IL1RAPL2: variants seen among roughly 807,000 people sequenced by gnomAD.
IL1RAPL2 encodes interleukin 1 receptor accessory protein like 2, also known as X-linked interleukin-1 receptor accessory protein-like 2.
Under a neutral mutation model 44.1 loss-of-function variants are expected in IL1RAPL2, and 3 were observed. That is an observed-to-expected ratio of 0.07 (90% CI 0.03 to 0.18). The LOEUF is 0.18. Ranked by LOEUF, IL1RAPL2 falls within the 10% of genes least tolerant of loss-of-function variation. The pLI is 1.00. For synonymous variants in IL1RAPL2, 181 were observed against 178.8 expected (o/e 1.01, Z -0.10); for missense variants, 391 against 496.4 (o/e 0.79, Z 2.02).
intron 2 of IL1RAPL2, among the ~76,000 whole-genome samples, chrX:104,673,049 C>T (rs763736473): frequency 9.6e-4 from 107 of 111,488 alleles, no homozygotes; most frequent in Non-Finnish European, 1.9e-3. Context: ...TTGTAGGTTG[C>T]CTGTTCACTC....
chrX:104,929,264 A>G, intron 2 of IL1RAPL2, among the ~76,000 whole-genome samples: 1 of 111,822 alleles, frequency 8.9e-6, no homozygotes, highest in Non-Finnish European at 1.9e-5. Flanking sequence ...CTCCTTATTC[A>G]GCCTTTCGTT....
intron 6 of IL1RAPL2, among the ~76,000 whole-genome samples, chrX:105,637,274 T>A (rs1304642592): frequency 4.5e-5 from 5 of 111,658 alleles, no homozygotes; most frequent in African/African-American, 1.3e-4. Context: ...TTTTTCCACA[T>A]GAAAAGGGCA....
At chrX:104,938,955 G>A (rs1440304629) in intron 2 of IL1RAPL2, among the ~76,000 whole-genome samples, 1 of 110,578 alleles carries the variant, frequency 9.0e-6, no homozygotes, top group East Asian at 2.8e-4. Context: ...TGAAATATTT[G>A]TCTTGTACAA....
chrX:105,447,840 C>A (rs28761014), intron 5 of IL1RAPL2, among the ~76,000 whole-genome samples: 11 of 81,726 alleles, frequency 1.3e-4, no homozygotes, highest in Admixed American at 1.1e-3. Flanking sequence ...ATATATTATA[C>A]ATATAAATAT....
At chrX:105,640,665 T>TAC in intron 6 of IL1RAPL2, among the ~76,000 whole-genome samples, 1 of 77,942 alleles carries the variant, frequency 1.3e-5, no homozygotes, top group Middle Eastern at 5.3e-3. Context: ...TATATATATA[T>TAC]ATATATATAT....
chrX:104,636,626 G>C (rs181774067), intron 1 of IL1RAPL2, among the ~76,000 whole-genome samples: 1 of 112,010 alleles, frequency 8.9e-6, no homozygotes, highest in Admixed American at 9.4e-5. Context: ...CTTCGTGGGC[G>C]TAGGACCCTC....
At chrX:105,268,861 T>G (rs1437061613) in intron 5 of IL1RAPL2, among the ~76,000 whole-genome samples, 1 of 111,098 alleles carries the variant, frequency 9.0e-6, no homozygotes, top group African/African-American at 3.3e-5. Flanking sequence ...TATGAGGAGA[T>G]TGATATGCTA....
intron 1 of IL1RAPL2, among the ~76,000 whole-genome samples, chrX:104,650,435 G>A (rs1239203182): frequency 9.0e-6 from 1 of 110,881 alleles, no homozygotes; most frequent in African/African-American, 3.3e-5. Context: ...AAACAGATGT[G>A]TGGGAACCAT....
At chrX:105,623,747 C>T (rs2037435587) in intron 6 of IL1RAPL2, among the ~76,000 whole-genome samples, 1 of 111,495 alleles carries the variant, frequency 9.0e-6, no homozygotes, top group Non-Finnish European at 1.9e-5. Context: ...TTTATTTGAG[C>T]ACTGCTAAAA....
chrX:104,890,171 C>CTTAAT lies in IL1RAPL2; in HGVS notation c.82+231176_82+231177insTTAAT, dbSNP rs1357782175. ...GCATAGTATACTGTGGTGTATATGT[C>CTTAAT]CCACATTTTCTTAATCCAGTCTATC... is the stretch of plus-strand genomic sequence containing the variant. On this transcript the variant is annotated intron_variant, in intron 2 of 10. Coordinates refer to ENST00000372582, the MANE Select transcript of IL1RAPL2 (RefSeq NM_017416.2). 3.6e-5 allele frequency among the ~76,000 whole-genome samples: 4 copies of CTTAAT among 111,892 alleles called. No homozygotes were observed. The East Asian group carries it at 1.1e-3, about 31-fold the overall frequency.
intron 2 of IL1RAPL2, among the ~76,000 whole-genome samples, chrX:104,763,206 C>A (rs752366751): frequency 6.2e-5 from 7 of 112,043 alleles, no homozygotes; most frequent in Non-Finnish European, 1.3e-4. Context: ...AGCCACCAGT[C>A]TCTTTACTAA....
At chrX:105,498,931 T>C (rs1889908493) in intron 6 of IL1RAPL2, among the ~76,000 whole-genome samples, 1 of 111,189 alleles carries the variant, frequency 9.0e-6, no homozygotes, top group Admixed American at 9.6e-5. Flanking sequence ...GGTCTGCCTC[T>C]TGTCAGATCA....
intron 4 of IL1RAPL2, among the ~76,000 whole-genome samples, chrX:105,245,524 G>A (rs2034211379): frequency 8.9e-6 from 1 of 112,021 alleles, no homozygotes; most frequent in Non-Finnish European, 1.9e-5. Flanking sequence ...TAAGGAGAGG[G>A]GCTACACTTT....
chrX:104,571,022 C>G (rs983624894), intron 1 of IL1RAPL2, among the ~76,000 whole-genome samples: 5 of 110,081 alleles, frequency 4.5e-5, no homozygotes, highest in Non-Finnish European at 7.6e-5. Flanking sequence ...TCATCTGTGA[C>G]TGCTCCTGTG....
intron 2 of IL1RAPL2, among the ~76,000 whole-genome samples, chrX:104,733,613 G>A (rs1424414035): frequency 1.5e-5 from 1 of 66,443 alleles, no homozygotes; most frequent in East Asian, 4.6e-4. Context: ...GCGAGACTCT[G>A]TCTCAAAATA....
At chrX:104,705,382 T>C (rs1931348042) in intron 2 of IL1RAPL2, among the ~76,000 whole-genome samples, 1 of 111,420 alleles carries the variant, frequency 9.0e-6, no homozygotes, top group Non-Finnish European at 1.9e-5. Flanking sequence ...TCCTTGCCTC[T>C]CAGATTTTCA....
chrX:104,933,627 G>C (rs1222381294), intron 2 of IL1RAPL2, among the ~76,000 whole-genome samples: 1 of 111,321 alleles, frequency 9.0e-6, no homozygotes, highest in Non-Finnish European at 1.9e-5. Flanking sequence ...GGTATTCTGG[G>C]TATTCTAGTT....
chrX:105,610,945 T>A (rs2037331779), intron 6 of IL1RAPL2, among the ~76,000 whole-genome samples: 1 of 111,823 alleles, frequency 8.9e-6, no homozygotes, highest in South Asian at 3.7e-4. Flanking sequence ...GGCATTGTTA[T>A]CATAAGAAGT....
At chrX:105,172,078 A>G (rs1353363195) in intron 2 of IL1RAPL2, among the ~76,000 whole-genome samples, 1 of 112,361 alleles carries the variant, frequency 8.9e-6, no homozygotes, top group Admixed American at 9.4e-5. Flanking sequence ...CCCCCATGGC[A>G]TGTGTGGAAG....
Sources: gnomAD v4.1 joint callset for allele counts (sites outside exome capture counted in the v4.1 genomes callset) on GRCh38, gnomAD v4.1.1 for gene constraint, MANE v1.5 for transcripts, NCBI Gene and HGNC (gene_info 2026-07-23, HGNC 2026-07-21) for gene names.